Variants in CRAMP1 observed in about 807,000 individuals in gnomAD.
The protein encoded by CRAMP1 is cramped chromatin regulator 1.
Under a neutral mutation model 115.4 loss-of-function variants are expected in CRAMP1, and 50 were observed. The ratio of observed to expected loss-of-function variants is 0.43; its 90% CI spans 0.35 to 0.55. The LOEUF (loss-of-function observed/expected upper bound fraction) is 0.55, where lower values mean the gene tolerates loss of function less well. Ranked by LOEUF, CRAMP1 falls within the 20% of genes least tolerant of loss-of-function variation. The pLI is 0.01. For missense variants in CRAMP1, 1,679 were observed against 1,721.7 expected (o/e 0.98, Z 0.44); for synonymous variants, 866 against 745.4 (o/e 1.16, Z -2.64).
At chr16:1,655,192 A>C in intron 8 of CRAMP1, 27 bp from the exon 9 acceptor site, 1 of 1,592,620 alleles carries the variant, frequency 6.3e-7, no homozygotes, top group Non-Finnish European at 8.6e-7. Flanking sequence ...TGCGAACCTC[A>C]CTTCCTCCTG....
intron 6 of CRAMP1, among the ~76,000 whole-genome samples, chr16:1,646,371 G>A (rs569212760): frequency 2.6e-4 from 40 of 152,294 alleles, no homozygotes; most frequent in African/African-American, 6.0e-4. Flanking sequence ...AGCACTCAGC[G>A]TGTTCGGGGT....
intron 7 of CRAMP1, 72 bp downstream of exon 7, chr16:1,652,653 G>A: frequency 5.9e-6 from 8 of 1,357,072 alleles, no homozygotes; most frequent in Non-Finnish European, 8.2e-6. Context: ...GGCAGGCTGA[G>A]CTACCGGGTT....
Position 1,632,305 on chromosome 16 carries a change from G to A in CRAMP1, c.634G>A (p.Val212Ile). 6.2e-7 allele frequency: 1 copy of A among 1,601,016 alleles called. No individual in the cohort carries two copies. Among genetic ancestry groups the A allele is most frequent in the Non-Finnish European group, 8.5e-7 (1 of 1,174,312 alleles). The change falls in exon 4 of 21, where the codon GTC becomes ATC. Residue 212 changes from valine to isoleucine, a missense_variant. By Grantham distance (29) the Val-to-Ile change is conservative. This residue lies in a region of CRAMP1 where 44 missense variants were observed against 92.4 expected (regional missense o/e 0.48). Transcript: ENST00000397412. ...PASMVKNKEQ[V>I]RHFYYRTWHK... ...AAGCATGGTGAAGAACAAGGAGCAG[G>A]TCCGCCACTTCTACTACCGCACCTG...
intron 2 of CRAMP1, among the ~76,000 whole-genome samples, chr16:1,617,537 C>A (rs2036431449): frequency 6.6e-6 from 1 of 152,236 alleles, no homozygotes; most frequent in Non-Finnish European, 1.5e-5. Flanking sequence ...ATCAATACTT[C>A]ATGTTTCAAT....
intron 10 of CRAMP1, among the ~76,000 whole-genome samples, chr16:1,657,468 G>GC (rs1191323587): frequency 6.6e-6 from 1 of 152,206 alleles, no homozygotes; most frequent in Non-Finnish European, 1.5e-5. Flanking sequence ...TAGCCTTCTG[G>GC]CTTATCTAAT....
chr16:1,677,306 G>T lies in CRAMP1; in HGVS notation c.*3261G>T, dbSNP rs59063522. 3.3e-5 allele frequency: 5 copies of T among 152,240 alleles called. No individual in the cohort carries two copies. The highest frequency in any genetic ancestry group is 3.3e-4 in the Admixed American group (5 of 15,286). 9.4% of individuals were successfully genotyped at this position (152,240 alleles called of 1,614,324 possible). A position where few individuals can be genotyped will look rare whatever the true frequency, so the allele number is the denominator to read the frequency against. ...AAAAGTACAGAATTAGCCGGGCGTG[G>T]TGGCGCATGCCCATAATCCCAGCTA... is the stretch of plus-strand genomic sequence containing the variant. On this transcript the variant is annotated 3_prime_UTR_variant, in exon 21 of 21. Transcript: ENST00000397412.
In CRAMP1 at chr16:1,677,881, G is replaced by A. The variant is rs957025537; in HGVS notation, c.*3836G>A. The A allele has an allele frequency of 6.2e-6, 1 of 161,046 alleles. No homozygotes were observed. The highest frequency in any genetic ancestry group is 1.4e-5 in the Non-Finnish European group (1 of 73,790). The allele number at this position is 161,046 out of a possible 1,614,324, so 10.0% of individuals were successfully genotyped here. On this transcript the variant is annotated 3_prime_UTR_variant, in exon 21 of 21. Transcript: ENST00000397412. ...TTCAACTTGTAAATGTTTTTATTGT[G>A]CATAAATACATACTAATGTTGATCT...
chr16:1,619,623 A>G (rs536470796), intron 2 of CRAMP1, among the ~76,000 whole-genome samples: 2 of 152,238 alleles, frequency 1.3e-5, no homozygotes, highest in African/African-American at 4.8e-5. Context: ...TGAAGAGGGC[A>G]TACGCTTTTA....
chr16:1,668,150 T>C lies in CRAMP1; in HGVS notation c.3291T>C (p.Ile1097=). Residue 1097 remains isoleucine, a synonymous_variant, in exon 18 of 21, where the codon ATT becomes ATC. Coordinates refer to ENST00000397412, the MANE Select transcript of CRAMP1 (RefSeq NM_020825.4). ...CACAGGGCGAGCCTGCCACACACAT[T>C]AGCGACTCCATCATTGAGATCGCCA... ...ALSQGEPATH[I]SDSIIEIAIS... 6.2e-7 allele frequency: 1 copy of C among 1,613,442 alleles called. No homozygotes were observed. Among genetic ancestry groups the C allele is most frequent in the Non-Finnish European group, 8.5e-7 (1 of 1,179,730 alleles).
At chr16:1,662,461 C>CA (rs754059529) in intron 11 of CRAMP1, 29 bp from the exon 12 acceptor site, 6 of 1,580,886 alleles carry the variant, frequency 3.8e-6, no homozygotes, top group South Asian at 1.1e-5. Flanking sequence ...TGAATGCTGT[C>CA]ACACTGATTC....
At chr16:1,622,274 A>G (rs908527864) in intron 2 of CRAMP1, among the ~76,000 whole-genome samples, 1 of 152,216 alleles carries the variant, frequency 6.6e-6, no homozygotes. Context: ...GCACTTTGAG[A>G]GGCTGAGGCG....
rs1301707439 is a variant in CRAMP1, at chr16:1,669,063, T to G, written c.3397T>G (p.Ser1133Ala). 1 of 1,611,812 alleles carries G rather than the reference T, an allele frequency of 6.2e-7. No homozygotes were observed. Among genetic ancestry groups the G allele is most frequent in the African/African-American group, 1.3e-5 (1 of 74,902 alleles). ...NGSDSSKSLP[S>A]PSSSPQPHWI... ...CAGTGACAGTTCCAAGAGCCTTCCC[T>G]CCCCGTCCAGCAGCCCCCAGCCACA... Residue 1133 changes from serine to alanine, a missense_variant, in exon 19 of 21, where the codon TCC (serine) becomes GCC (alanine). This residue lies in a region of CRAMP1 where 709 missense variants were observed against 741.9 expected (regional missense o/e 0.96). Coordinates refer to ENST00000397412, the MANE Select transcript of CRAMP1 (RefSeq NM_020825.4). This position sits in a 1 kb window ranked among gnomAD's most constrained non-coding sequence, Gnocchi z 4.6.
At chr16:1,644,317 A>G (rs567297120) in intron 6 of CRAMP1, among the ~76,000 whole-genome samples, 35 of 152,312 alleles carry the variant, frequency 2.3e-4, no homozygotes, top group Non-Finnish European at 3.4e-4. Context: ...GCACCCATGG[A>G]GAGATCTGAG....
In CRAMP1 at chr16:1,666,631, T is replaced by C; in HGVS notation, c.3036+31T>C. ...TATGTTTAGAAGGGCTTTTCAGCAT[T>C]ACCACCAACTTCTGGTGTGGACGCC... On this transcript the variant is annotated intron_variant, in intron 16 of 20. Coordinates refer to ENST00000397412, the MANE Select transcript of CRAMP1 (RefSeq NM_020825.4). This position sits in a 1 kb window ranked among gnomAD's most constrained non-coding sequence, Gnocchi z 5.0. 6.3e-7 allele frequency: 1 copy of C among 1,594,396 alleles called. No homozygotes were observed. The highest frequency in any genetic ancestry group is 8.6e-7 in the Non-Finnish European group (1 of 1,163,224).
At position 1,625,800 on chromosome 16, in the gene CRAMP1, C is replaced by T. The variant is rs376387744; in HGVS notation, c.347-173C>T. The T allele has an allele frequency of 1.0e-3, 595 of 590,430 alleles. 14 individuals carry two copies. In the South Asian group the frequency reaches 0.012, roughly 12 times the overall value. The allele number at this position is 590,430 out of a possible 1,614,324, so 36.6% of individuals were successfully genotyped here. ...TTGGCCAGGTAAAGATCCTGGCAGT[C>T]CTAAGCAGCCTCGCTGGTGCCGTGG... On this transcript the variant is annotated intron_variant, in intron 2 of 20. Coordinates refer to ENST00000397412, the MANE Select transcript of CRAMP1 (RefSeq NM_020825.4).
chr16:1,627,611 G>A (rs1192622669), intron 3 of CRAMP1, among the ~76,000 whole-genome samples: 1 of 152,216 alleles, frequency 6.6e-6, no homozygotes, highest in Non-Finnish European at 1.5e-5. Context: ...CTGGGCTGCA[G>A]GTTAGGTTCT....
At chr16:1,620,381 C>T (rs536447073) in intron 2 of CRAMP1, among the ~76,000 whole-genome samples, 2 of 152,118 alleles carry the variant, frequency 1.3e-5, no homozygotes, top group Non-Finnish European at 2.9e-5. Flanking sequence ...CTTCCACGAG[C>T]GGGTGTCGCC....
intron 4 of CRAMP1, 113 bp downstream of exon 4, chr16:1,632,478 C>A: frequency 9.0e-7 from 1 of 1,112,078 alleles, no homozygotes; most frequent in Non-Finnish European, 1.3e-6. Flanking sequence ...TTCTCACCAG[C>A]CGCTTGGCCT....
intron 6 of CRAMP1, among the ~76,000 whole-genome samples, chr16:1,643,456 G>A (rs146413170): frequency 0.02 from 2,998 of 152,078 alleles, 121 homozygotes; most frequent in African/African-American, 0.068. Flanking sequence ...CAGGAGAATC[G>A]CTTGAACCCG....
Sources: allele counts gnomAD v4.1 joint callset (sites outside exome capture counted in the v4.1 genomes callset), GRCh38; gene constraint gnomAD v4.1.1; regional missense constraint gnomAD v4.1.1; non-coding constraint Gnocchi (gnomAD v3.1); transcripts MANE v1.5; gene names NCBI Gene and HGNC (gene_info 2026-07-23, HGNC 2026-07-21).